The following SULF2 variants were observed in gnomAD, a reference collection of about 807,000 sequenced individuals.
The protein encoded by SULF2 is extracellular sulfatase Sulf-2.
Under a neutral mutation model 107.7 loss-of-function variants are expected in SULF2, and 52 were observed. The ratio of observed to expected loss-of-function variants is 0.48; its 90% CI spans 0.39 to 0.61. The LOEUF (loss-of-function observed/expected upper bound fraction) is 0.61. Among genes scored for constraint, SULF2 ranks in the 20% least tolerant of loss-of-function variants. SULF2 has a pLI of 0.00. For missense variants in SULF2, 993 were observed against 1,177.3 expected, an observed-to-expected ratio of 0.84 and a Z score of 2.29; for synonymous variants, 460 against 464.3, an observed-to-expected ratio of 0.99 and a Z score of 0.12.
chr20:47,688,272 C>G (rs2146530779), intron 5 of SULF2, among the ~76,000 whole-genome samples: 1 of 152,278 alleles, frequency 6.6e-6, no homozygotes, highest in Non-Finnish European at 1.5e-5. Flanking sequence ...AGGACTTTCT[C>G]TTTTTTGGTT....
rs960140797 is a variant in SULF2, at chr20:47,680,747, C to A, written c.1065-1943G>T. On this transcript the variant is annotated intron_variant, in intron 7 of 20. Transcript: ENST00000688720. The surrounding 1 kb of genome is among the most constrained non-coding windows in gnomAD (Gnocchi z 4.2). ...GCTGGGAAGACTGCTGAGCGACGGG[C>A]GCTCTGCAGAACCCAGCAACCGGCA... 2.6e-5 allele frequency among the ~76,000 whole-genome samples: 4 copies of A among 152,198 alleles called. No individual in the cohort carries two copies. Among genetic ancestry groups the A allele is most frequent in the East Asian group, 1.9e-4 (1 of 5,202 alleles).
chr20:47,756,730 C>A (rs988194922), intron 2 of SULF2, among the ~76,000 whole-genome samples: 1 of 151,642 alleles, frequency 6.6e-6, no homozygotes, highest in Non-Finnish European at 1.5e-5. Flanking sequence ...ACTGCAACCT[C>A]CTTCTCCTGG....
At chr20:47,699,434 AG>A (rs1229727135) in intron 4 of SULF2, among the ~76,000 whole-genome samples, 2 of 151,722 alleles carry the variant, frequency 1.3e-5, no homozygotes, top group Admixed American at 6.6e-5. Context: ...ACTACATAGT[AG>A]GTGCTCAGGG....
At chr20:47,668,889 G>A (rs1221867986) in intron 11 of SULF2, among the ~76,000 whole-genome samples, 1 of 152,202 alleles carries the variant, frequency 6.6e-6, no homozygotes, top group Non-Finnish European at 1.5e-5. Flanking sequence ...TCACCGCCCT[G>A]ATTCTGAGCA....
intron 2 of SULF2, among the ~76,000 whole-genome samples, chr20:47,748,329 T>C (rs1203885395): frequency 6.6e-6 from 1 of 152,182 alleles, no homozygotes; most frequent in Non-Finnish European, 1.5e-5. Context: ...GAATGTCTCC[T>C]CATGACACAG....
At chr20:47,703,449 G>A (rs2088632207) in intron 3 of SULF2, among the ~76,000 whole-genome samples, 1 of 152,140 alleles carries the variant, frequency 6.6e-6, no homozygotes, top group African/African-American at 2.4e-5. Context: ...GAAGTTTGTG[G>A]ATCCCTTGGA....
chr20:47,700,768 C>T (rs1296401025), intron 4 of SULF2, among the ~76,000 whole-genome samples: 9 of 151,836 alleles, frequency 5.9e-5, no homozygotes, highest in Admixed American at 5.9e-4. Flanking sequence ...GCCTCAGCCT[C>T]CCGAGTAACT....
chr20:47,709,358 C>A (rs1388399843), intron 3 of SULF2, among the ~76,000 whole-genome samples: 1 of 152,168 alleles, frequency 6.6e-6, no homozygotes, highest in Non-Finnish European at 1.5e-5. Context: ...CTGGCGACTG[C>A]CCCTGGGCAG....
chr20:47,706,476 AAAG>A (rs1181834653), intron 3 of SULF2: 4 of 152,340 alleles, frequency 2.6e-5, no homozygotes, highest in South Asian at 2.1e-4. Context: ...GAAAGAAAAA[AAAG>A]AAGTCACAGA....
intron 3 of SULF2, among the ~76,000 whole-genome samples, chr20:47,722,864 A>C (rs73624695): frequency 6.6e-6 from 1 of 151,576 alleles, no homozygotes; most frequent in African/African-American, 2.4e-5. Context: ...TCAGGAGTTC[A>C]AGACCAGCCT....
chr20:47,659,812 T>G, intron 18 of SULF2, 82 bp from the exon 19 acceptor site: 3 of 1,083,030 alleles, frequency 2.8e-6, no homozygotes, highest in East Asian at 2.4e-5. Context: ...AACCATCTTA[T>G]GCTTTTTTGT....
intron 2 of SULF2, among the ~76,000 whole-genome samples, chr20:47,747,382 T>A (rs1443679553): frequency 2.0e-5 from 3 of 152,182 alleles, no homozygotes; most frequent in Non-Finnish European, 4.4e-5. Flanking sequence ...TTTTTCTCCG[T>A]TGCTTTCTGC....
At chr20:47,662,309 G>A (rs1254872581) in intron 17 of SULF2, among the ~76,000 whole-genome samples, 10 of 152,262 alleles carry the variant, frequency 6.6e-5, no homozygotes, top group Admixed American at 6.5e-4. Flanking sequence ...CTGGGTTCTT[G>A]TGTAGTCTGG....
Position 47,658,383 on chromosome 20 carries a change from C to CA in SULF2, c.2591dup (p.Trp865ValfsTer18). 1 of 1,614,194 alleles carries CA rather than the reference C, an allele frequency of 6.2e-7. No homozygotes were observed. Among genetic ancestry groups the CA allele is most frequent in the Non-Finnish European group, 8.5e-7 (1 of 1,180,018 alleles). On this transcript the variant is annotated frameshift_variant, in exon 21 of 21. Transcript: ENST00000688720. LOFTEE classifies it high-confidence loss of function. ...TTTCTTAACCTTCCCAGCCTTCCCACAGTTGTCCCCTAAAGAACAAAACAA... is the reference window on the plus strand; with the variant it reads ...TTTCTTAACCTTCCCAGCCTTCCCACAAGTTGTCCCCTAAAGAACAAAACAA...
chr20:47,717,718 A>G (rs574798674), intron 3 of SULF2, among the ~76,000 whole-genome samples: 1 of 152,214 alleles, frequency 6.6e-6, no homozygotes, highest in East Asian at 1.9e-4. Flanking sequence ...GGACCCGGGC[A>G]CTTTGCCTTT....
Position 47,736,907 on chromosome 20 carries a change from T to C in SULF2, c.211A>G (p.Met71Val). ...ATGAAGTGCGCCCCGCCCTGCTCCA[T>C]GATGCGCCGGGTCTTGTTCATCACC... ...MQVMNKTRRI[M>V]EQGGAHFINA... The change falls in exon 3 of 21, where the codon ATG (methionine) becomes GTG (valine). Residue 71 changes from methionine to valine, a missense_variant. By Grantham distance (21) the Met-to-Val change is conservative. This residue lies in a region of SULF2 where 388 missense variants were observed against 449.2 expected (regional missense o/e 0.86). Coordinates refer to ENST00000688720, the MANE Select transcript of SULF2 (RefSeq NM_001387048.1). 6.2e-7 allele frequency: 1 copy of C among 1,614,224 alleles called. No individual in the cohort carries two copies. The highest frequency in any genetic ancestry group is 8.5e-7 in the Non-Finnish European group (1 of 1,180,026).
intron 5 of SULF2, chr20:47,684,785 G>A (rs1321157631): frequency 2.0e-6 from 1 of 506,590 alleles, no homozygotes; most frequent in Non-Finnish European, 3.5e-6. Flanking sequence ...CGTGTGAAGT[G>A]TGCACTTGGG....
At chr20:47,731,568 A>T (rs558010486) in intron 3 of SULF2, among the ~76,000 whole-genome samples, 56 of 152,236 alleles carry the variant, frequency 3.7e-4, no homozygotes, top group Admixed American at 9.2e-4. Context: ...TCTAAAGGGA[A>T]TCTATTGCCA....
intron 15 of SULF2, 29 bp downstream of exon 15, chr20:47,664,101 T>C: frequency 6.2e-7 from 1 of 1,612,168 alleles, no homozygotes; most frequent in Non-Finnish European, 8.5e-7. Context: ...CCTCTGCATC[T>C]CTTCCCCAGG....
Sources: gnomAD v4.1 joint callset for allele counts (sites outside exome capture counted in the v4.1 genomes callset) on GRCh38, gnomAD v4.1.1 for gene constraint, gnomAD v4.1.1 regional missense constraint, Gnocchi (gnomAD v3.1) non-coding constraint, MANE v1.5 for transcripts, NCBI Gene and HGNC (gene_info 2026-07-23, HGNC 2026-07-21) for gene names.